Variants in MORN1 observed in about 807,000 individuals in gnomAD.
The protein encoded by MORN1 is MORN repeat-containing protein 1.
A neutral mutation model predicts 61.9 loss-of-function variants in MORN1; 67 were observed. The ratio of observed to expected loss-of-function variants is 1.08; its 90% CI spans 0.89 to 1.33. MORN1 has a LOEUF of 1.33. Among genes scored for constraint, MORN1 ranks in the 40% most tolerant of loss-of-function variants. The probability of loss-of-function intolerance (pLI) is 0.00; values close to 1 mark genes in which losing one functional copy is unlikely to be tolerated. For missense variants in MORN1, 752 were observed against 691.2 expected (o/e 1.09, Z -0.99); for synonymous variants, 301 against 292.0 (o/e 1.03, Z -0.31).
At chr1:2,351,824 G>A in intron 10 of MORN1, 1 of 541,500 alleles carries the variant, frequency 1.8e-6, no homozygotes. Flanking sequence ...TGTGGTCCGT[G>A]TGTGGCAGCA....
intron 6 of MORN1, chr1:2,376,599 G>T (rs1026852189): frequency 6.6e-6 from 1 of 152,220 alleles, no homozygotes; most frequent in African/African-American, 2.4e-5. Flanking sequence ...CGCCTTTGGG[G>T]TGAGTGGCTC....
At chr1:2,359,860 G>A (rs2100310345) in intron 8 of MORN1, among the ~76,000 whole-genome samples, 1 of 150,280 alleles carries the variant, frequency 6.7e-6, no homozygotes, top group East Asian at 1.9e-4. Flanking sequence ...TCCAGCCAGG[G>A]CGACAGAGAG....
chr1:2,378,646 G>A (rs984038293), intron 6 of MORN1: 54 of 297,058 alleles, frequency 1.8e-4, no homozygotes, highest in Admixed American at 1.4e-3. Flanking sequence ...AGGGATGCCC[G>A]GAGGGCCGCG....
chr1:2,355,547 G>T, intron 10 of MORN1: 2 of 1,463,230 alleles, frequency 1.4e-6, no homozygotes, highest in Non-Finnish European at 1.9e-6. Flanking sequence ...CAGGGGCACG[G>T]GCATGGAGGT....
At chr1:2,382,165 T>A (rs991048813) in intron 6 of MORN1, among the ~76,000 whole-genome samples, 9 of 152,182 alleles carry the variant, frequency 5.9e-5, no homozygotes, top group Admixed American at 4.6e-4. Context: ...AGGAGCTGCT[T>A]CTCGCCCGGC....
intron 12 of MORN1, chr1:2,332,191 C>T (rs1641172725): frequency 1.0e-5 from 2 of 190,526 alleles, no homozygotes; most frequent in Non-Finnish European, 2.2e-5. Flanking sequence ...TCACCAGGTG[C>T]CCAGCGGGGC....
At chr1:2,391,122 G>A (rs1642647808) in intron 1 of MORN1, among the ~76,000 whole-genome samples, 2 of 152,220 alleles carry the variant, frequency 1.3e-5, no homozygotes, top group Admixed American at 6.5e-5. Flanking sequence ...CTCGCCCCAA[G>A]TCCTGGGCTT....
intron 12 of MORN1, among the ~76,000 whole-genome samples, chr1:2,332,976 A>G (rs1468485393): frequency 1.3e-5 from 2 of 152,172 alleles, no homozygotes; most frequent in East Asian, 1.9e-4. Flanking sequence ...CCTTCACCCA[A>G]CTGACCTCTG....
chr1:2,347,967 C>T lies in MORN1; in HGVS notation c.1036+9465G>A, dbSNP rs144143506. On this transcript the variant is annotated intron_variant, in intron 10 of 13. Coordinates refer to ENST00000378531, the MANE Select transcript of MORN1 (RefSeq NM_024848.3). ...GCATTTTACAAACCGGGAAGTTTTT[C>T]GCCTCACGTAACCCAGCACAGCCGT... Among the ~76,000 whole-genome samples, 524 of 152,330 alleles carry T rather than the reference C, an allele frequency of 3.4e-3. 4 individuals are homozygous for T. The highest frequency in any genetic ancestry group is 0.024 in the Middle Eastern group (7 of 294).
intron 7 of MORN1, among the ~76,000 whole-genome samples, chr1:2,373,736 G>A (rs936079060): frequency 4.6e-5 from 7 of 152,308 alleles, no homozygotes; most frequent in African/African-American, 1.7e-4. Context: ...CTGCCTTCCC[G>A]AAGATCTCAG....
chr1:2,345,873 C>G (rs1346531253), intron 10 of MORN1, among the ~76,000 whole-genome samples: 5 of 150,458 alleles, frequency 3.3e-5, no homozygotes. Context: ...GCTCTTATCT[C>G]TATGACGCAC....
chr1:2,330,649 CA>C (rs1311550255), intron 12 of MORN1, among the ~76,000 whole-genome samples: 8 of 152,224 alleles, frequency 5.3e-5, no homozygotes, highest in African/African-American at 1.9e-4. Flanking sequence ...TAATTAAGCC[CA>C]TTTTTCTCGG....
chr1:2,328,029 G>A (rs912475103), intron 12 of MORN1, among the ~76,000 whole-genome samples: 1 of 152,226 alleles, frequency 6.6e-6, no homozygotes, highest in Non-Finnish European at 1.5e-5. Flanking sequence ...TCCAGGGAGC[G>A]GCATCAGAGA....
chr1:2,321,981 A>C, intron 13 of MORN1: 1 of 975,128 alleles, frequency 1.0e-6, no homozygotes, highest in Non-Finnish European at 1.2e-6. Context: ...TTTAGGAGAA[A>C]AATAATTCAT....
intron 10 of MORN1, chr1:2,351,587 C>G (rs554602852): frequency 4.0e-6 from 1 of 250,962 alleles, no homozygotes; most frequent in Non-Finnish European, 7.8e-6. Flanking sequence ...GTGGCCGGGC[C>G]GTGTAACCAA....
chr1:2,333,808 C>T (rs542166796), intron 12 of MORN1, among the ~76,000 whole-genome samples: 50 of 152,372 alleles, frequency 3.3e-4, no homozygotes, highest in Middle Eastern at 3.4e-3. Context: ...TGGAACCACT[C>T]GGCCACGACA....
intron 10 of MORN1, among the ~76,000 whole-genome samples, chr1:2,343,445 C>T (rs1496554): frequency 0.22 from 33,117 of 152,190 alleles, 3,787 homozygotes; most frequent in Non-Finnish European, 0.25. Flanking sequence ...TCCAGCCAGG[C>T]GGGTGTGGGG....
At chr1:2,329,544 C>T (rs978672794) in intron 12 of MORN1, among the ~76,000 whole-genome samples, 1 of 152,108 alleles carries the variant, frequency 6.6e-6, no homozygotes, top group Non-Finnish European at 1.5e-5. Flanking sequence ...GGGCCAGGCC[C>T]CATGAAGACC....
intron 12 of MORN1, among the ~76,000 whole-genome samples, chr1:2,328,005 C>T (rs1317125708): frequency 6.6e-6 from 1 of 152,260 alleles, no homozygotes; most frequent in Non-Finnish European, 1.5e-5. Flanking sequence ...CAGCAGCGAG[C>T]CACCGAGCAG....
Sources: gnomAD v4.1 joint callset for allele counts (sites outside exome capture counted in the v4.1 genomes callset) on GRCh38, gnomAD v4.1.1 for gene constraint, MANE v1.5 for transcripts, NCBI Gene and HGNC (gene_info 2026-07-23, HGNC 2026-07-21) for gene names.